Variants in RTL4 observed in about 807,000 individuals in gnomAD.
The protein encoded by RTL4 is retrotransposon Gag like 4.
A neutral mutation model predicts 5.3 loss-of-function variants in RTL4; 4 were observed. The observed-to-expected ratio is 0.75, with a 90% CI of 0.37 to 1.72. The LOEUF is 1.72. Among genes scored for constraint, RTL4 ranks in the 40% most tolerant of loss-of-function variants. The pLI is 0.04. For synonymous variants in RTL4, 98 were observed against 87.3 expected, an observed-to-expected ratio of 1.12 and a Z score of -0.68; for missense variants, 260 against 227.1, an observed-to-expected ratio of 1.14 and a Z score of -0.93.
chrX:112,232,591 A>T, the RTL4 span, among the ~76,000 whole-genome samples: 1 of 111,811 alleles, frequency 8.9e-6, no homozygotes, highest in African/African-American at 3.3e-5. Flanking sequence ...TTCAGCAGGT[A>T]TCTCCCTGGG....
the RTL4 span, among the ~76,000 whole-genome samples, chrX:112,270,278 T>C: frequency 8.9e-6 from 1 of 112,475 alleles, no homozygotes; most frequent in African/African-American, 3.2e-5. Context: ...AAATTACTAA[T>C]GGATTAATCA....
the RTL4 span, among the ~76,000 whole-genome samples, chrX:112,333,678 T>C: frequency 9.0e-6 from 1 of 111,449 alleles, no homozygotes; most frequent in Non-Finnish European, 1.9e-5. Context: ...GTGGGTATAC[T>C]CTAGGTATAT....
At chrX:112,254,611 G>A in the RTL4 span, among the ~76,000 whole-genome samples, 3 of 110,953 alleles carry the variant, frequency 2.7e-5, no homozygotes, top group East Asian at 8.5e-4. Context: ...ACAGGTGTGA[G>A]CCACCGCGCC....
the RTL4 span, among the ~76,000 whole-genome samples, chrX:112,136,216 C>A: frequency 9.0e-6 from 1 of 111,321 alleles, no homozygotes; most frequent in Admixed American, 9.6e-5. Context: ...TTATTTGTTA[C>A]AACAATTTTG....
At chrX:112,292,404 A>C in the RTL4 span, among the ~76,000 whole-genome samples, 1 of 111,881 alleles carries the variant, frequency 8.9e-6, no homozygotes, top group Non-Finnish European at 1.9e-5. Context: ...AATTAAGAGA[A>C]CTGAGAGTGC....
At chrX:112,107,955 T>C in the RTL4 span, among the ~76,000 whole-genome samples, 3 of 111,805 alleles carry the variant, frequency 2.7e-5, no homozygotes, top group African/African-American at 9.8e-5. Flanking sequence ...TGCTCTATTT[T>C]GATGCTGTCC....
At chrX:112,183,772 C>CCTGCACATT in the RTL4 span, among the ~76,000 whole-genome samples, 1 of 111,547 alleles carries the variant, frequency 9.0e-6, no homozygotes, top group African/African-American at 3.3e-5. Flanking sequence ...ATGTAACAAA[C>CCTGCACATT]CTGCACATTC....
chrX:112,129,262 T>A, the RTL4 span, among the ~76,000 whole-genome samples: 1 of 111,881 alleles, frequency 8.9e-6, no homozygotes, highest in Non-Finnish European at 1.9e-5. Flanking sequence ...ATGTGTTTCA[T>A]ACATTTTTTA....
the RTL4 span, among the ~76,000 whole-genome samples, chrX:112,364,614 A>G: frequency 9.0e-6 from 1 of 111,198 alleles, no homozygotes; most frequent in South Asian, 3.8e-4. Context: ...ATCCCAAAGC[A>G]TGGAGCATTG....
chrX:112,127,020 G>C, the RTL4 span, among the ~76,000 whole-genome samples: 1 of 111,855 alleles, frequency 8.9e-6, no homozygotes, highest in African/African-American at 3.2e-5. Context: ...ACCAATCCTT[G>C]TTAAACTTCC....
At chrX:112,259,467 G>A in the RTL4 span, among the ~76,000 whole-genome samples, 131 of 110,560 alleles carry the variant, frequency 1.2e-3, no homozygotes, top group African/African-American at 3.9e-3. Context: ...GATACTACGA[G>A]GATTGAATCA....
At chrX:112,169,042 T>TTCTTTCTTTCTTTCTG in the RTL4 span, among the ~76,000 whole-genome samples, 100 of 32,628 alleles carry the variant, frequency 3.1e-3, no homozygotes, top group African/African-American at 8.7e-3. Context: ...CTTTCTTTCT[T>TTCTTTCTTTCTTTCTG]TCTTTCTTTC....
chrX:112,259,779 C>G, the RTL4 span, among the ~76,000 whole-genome samples: 1 of 111,655 alleles, frequency 9.0e-6, no homozygotes, highest in Non-Finnish European at 1.9e-5. Context: ...CTCAGAAATC[C>G]TCTTCTCTGA....
chrX:112,241,192 C>A, the RTL4 span, among the ~76,000 whole-genome samples: 1 of 110,758 alleles, frequency 9.0e-6, no homozygotes, highest in Non-Finnish European at 1.9e-5. Flanking sequence ...TAATCAAATC[C>A]TTTGGGTATG....
the RTL4 span, among the ~76,000 whole-genome samples, chrX:112,393,727 C>G: frequency 1.8e-5 from 2 of 112,034 alleles, no homozygotes; most frequent in Non-Finnish European, 3.8e-5. Flanking sequence ...CCTGTGGGAG[C>G]TCCGTCTCAG....
chrX:112,406,594 A>T, the RTL4 span, among the ~76,000 whole-genome samples: 1 of 110,988 alleles, frequency 9.0e-6, no homozygotes, highest in East Asian at 2.9e-4. Flanking sequence ...TTGACATGTG[A>T]TTTGGTGGGA....
the RTL4 span, among the ~76,000 whole-genome samples, chrX:112,083,200 G>C: frequency 1.8e-5 from 2 of 112,563 alleles, no homozygotes; most frequent in African/African-American, 6.5e-5. Flanking sequence ...GGGGAGGTGG[G>C]AGGCTAAGCG....
the RTL4 span, among the ~76,000 whole-genome samples, chrX:112,098,227 G>A: frequency 9.4e-6 from 1 of 106,255 alleles, no homozygotes; most frequent in Admixed American, 1.0e-4. Flanking sequence ...TTTTCTCCTT[G>A]TGATAGTTTG....
the RTL4 span, among the ~76,000 whole-genome samples, chrX:112,373,509 A>G: frequency 5.4e-5 from 6 of 110,941 alleles, no homozygotes; most frequent in Middle Eastern, 9.3e-3. Context: ...GAAATGAGCT[A>G]TGAAAGTTAT....
Sources: gnomAD v4.1 joint callset for allele counts (sites outside exome capture counted in the v4.1 genomes callset) on GRCh38, gnomAD v4.1.1 for gene constraint, MANE v1.5 for transcripts, NCBI Gene and HGNC (gene_info 2026-07-23, HGNC 2026-07-21) for gene names.